Variants in LRRC4C observed in about 807,000 individuals in gnomAD.
LRRC4C encodes leucine rich repeat containing 4C.
Under a neutral mutation model 33.6 loss-of-function variants are expected in LRRC4C, and 5 were observed. That is an observed-to-expected ratio of 0.15 (90% CI 0.08 to 0.31). LRRC4C has a LOEUF of 0.31. Among genes scored for constraint, LRRC4C ranks in the 10% least tolerant of loss-of-function variants. The pLI, the probability that LRRC4C is intolerant of heterozygous loss-of-function variation, is 1.00. For missense variants in LRRC4C, 560 were observed against 796.7 expected, an observed-to-expected ratio of 0.70 and a Z score of 3.58; for synonymous variants, 329 against 302.0, an observed-to-expected ratio of 1.09 and a Z score of -0.93.
rs112033631 is a variant in LRRC4C at position 40,696,806 on chromosome 11, T to A, written c.-406-48528A>T. ...TATATATATATACTCATTCACCATT[T>A]TAAATTAGTGCCTTTGCAACAAGCA... On this transcript the variant is annotated intron_variant, in intron 2 of 6. Transcript: ENST00000528697. Among the ~76,000 whole-genome samples, 1,045 of 142,598 alleles carry A rather than the reference T, an allele frequency of 7.3e-3. 17 individuals are homozygous for A. The highest frequency in any genetic ancestry group is 0.027 in the African/African-American group (1,017 of 38,140). 93.5% of individuals were successfully genotyped at this position (142,598 alleles called of 152,430 possible). A position where few individuals can be genotyped will look rare whatever the true frequency, so the allele number is the denominator to read the frequency against.
At chr11:40,122,128 C>A (rs1262897770) in intron 6 of LRRC4C, among the ~76,000 whole-genome samples, 1 of 152,170 alleles carries the variant, frequency 6.6e-6, no homozygotes, top group Non-Finnish European at 1.5e-5. Flanking sequence ...TTTACTGACT[C>A]TTTTGACTCA....
At chr11:40,163,458 G>T (rs568071804) in intron 5 of LRRC4C, among the ~76,000 whole-genome samples, 1 of 152,254 alleles carries the variant, frequency 6.6e-6, no homozygotes, top group Non-Finnish European at 1.5e-5. Context: ...GAAGACATTT[G>T]CTGGCAAGGT....
intron 1 of LRRC4C, among the ~76,000 whole-genome samples, chr11:41,251,597 A>C (rs922678325): frequency 6.6e-6 from 1 of 152,206 alleles, no homozygotes; most frequent in African/African-American, 2.4e-5. Context: ...CCAAATGTGC[A>C]TGATCACATT....
At chr11:41,414,198 AGTGT>A (rs1954594295) in intron 1 of LRRC4C, among the ~76,000 whole-genome samples, 1 of 152,140 alleles carries the variant, frequency 6.6e-6, no homozygotes, top group Non-Finnish European at 1.5e-5. Context: ...GCTCTTGATA[AGTGT>A]GTTACTTCCT....
chr11:40,836,231 G>T (rs1238157214), intron 2 of LRRC4C, among the ~76,000 whole-genome samples: 1 of 152,114 alleles, frequency 6.6e-6, no homozygotes, highest in African/African-American at 2.4e-5. Flanking sequence ...ACAGGAAGGT[G>T]TAAGAACCTA....
At chr11:40,626,661 T>C (rs1456559818) in intron 3 of LRRC4C, among the ~76,000 whole-genome samples, 4 of 152,204 alleles carry the variant, frequency 2.6e-5, no homozygotes, top group African/African-American at 4.8e-5. Context: ...GTCCTAAAAC[T>C]TTGTTCAGCT....
At chr11:40,723,754 A>G (rs1359477335) in intron 2 of LRRC4C, among the ~76,000 whole-genome samples, 2 of 152,188 alleles carry the variant, frequency 1.3e-5, no homozygotes, top group Admixed American at 1.3e-4. Flanking sequence ...AAAACCTCAC[A>G]TATCAATATT....
chr11:41,454,075 C>T (rs1415736535), intron 1 of LRRC4C, among the ~76,000 whole-genome samples: 1 of 152,034 alleles, frequency 6.6e-6, no homozygotes, highest in Non-Finnish European at 1.5e-5. Context: ...AAAGAACCCA[C>T]AACCTGAAGG....
Position 40,677,989 on chromosome 11 carries a change from G to C in LRRC4C, c.-406-29711C>G, listed in dbSNP as rs182310524. The stretch of plus-strand genomic sequence containing the variant: ...AGAAGCCTGTGACTTGGATGGCTCC[G>C]TGGAGCTGCCATAGTAACCTTAAGA... On this transcript the variant is annotated intron_variant, in intron 2 of 6. Coordinates refer to ENST00000528697, the MANE Select transcript of LRRC4C (RefSeq NM_001258419.2). Among the ~76,000 whole-genome samples, 488 of 152,168 alleles carry C rather than the reference G, an allele frequency of 3.2e-3. 3 individuals are homozygous for C. Among genetic ancestry groups the C allele is most frequent in the African/African-American group, 0.011 (467 of 41,516 alleles).
Position 40,860,506 on chromosome 11 carries a change from C to A in LRRC4C, c.-407+73129G>T, listed in dbSNP as rs533878213. 1.3e-5 allele frequency among the ~76,000 whole-genome samples: 2 copies of A among 152,150 alleles called. 1 individual carries two copies. The highest frequency in any genetic ancestry group is 3.9e-4 in the East Asian group (2 of 5,154). Reference sequence around the variant, plus strand: ...AATCTGTAGCAGAATCCTTCCTTGCCTTCTAGTCTCTGCTGATGTGCCAAG... The same window carrying A: ...AATCTGTAGCAGAATCCTTCCTTGCATTCTAGTCTCTGCTGATGTGCCAAG... On this transcript the variant is annotated intron_variant, in intron 2 of 6. Transcript: ENST00000528697.
At chr11:41,245,858 G>A (rs1179801857) in intron 1 of LRRC4C, among the ~76,000 whole-genome samples, 1 of 152,212 alleles carries the variant, frequency 6.6e-6, no homozygotes, top group Non-Finnish European at 1.5e-5. Flanking sequence ...CCCATAGTGG[G>A]CAGCTCCTCT....
chr11:41,307,470 C>A (rs1440356235), intron 1 of LRRC4C, among the ~76,000 whole-genome samples: 3 of 152,196 alleles, frequency 2.0e-5, no homozygotes, highest in African/African-American at 7.2e-5. Flanking sequence ...AGAAGCTTTT[C>A]ATGAGATTTT....
chr11:40,428,558 T>C (rs528091505), intron 3 of LRRC4C, among the ~76,000 whole-genome samples: 1 of 152,344 alleles, frequency 6.6e-6, no homozygotes, highest in South Asian at 2.1e-4. Flanking sequence ...CTGGCATTTA[T>C]AAAATGCATT....
At chr11:40,773,261 T>TA (rs1247668832) in intron 2 of LRRC4C, among the ~76,000 whole-genome samples, 6 of 151,994 alleles carry the variant, frequency 3.9e-5, no homozygotes, top group Admixed American at 3.3e-4. Flanking sequence ...AAAGTATAGT[T>TA]AGAGAAAATT....
intron 3 of LRRC4C, among the ~76,000 whole-genome samples, chr11:40,383,804 C>A (rs1489680232): frequency 6.6e-6 from 1 of 151,790 alleles, no homozygotes; most frequent in Non-Finnish European, 1.5e-5. Context: ...CCTACCTCAG[C>A]CTCTCTAGTA....
At chr11:40,388,519 A>G (rs1386309139) in intron 3 of LRRC4C, among the ~76,000 whole-genome samples, 2 of 152,142 alleles carry the variant, frequency 1.3e-5, no homozygotes, top group African/African-American at 4.8e-5. Context: ...ATTACAGGGG[A>G]TGCTAAACAT....
chr11:41,327,747 A>G (rs745597593), intron 1 of LRRC4C, among the ~76,000 whole-genome samples: 8 of 152,128 alleles, frequency 5.3e-5, no homozygotes, highest in Non-Finnish European at 1.0e-4. Context: ...TGCTGTTCTC[A>G]TGAAAGTGAA....
intron 5 of LRRC4C, among the ~76,000 whole-genome samples, chr11:40,190,439 G>A (rs977918858): frequency 6.6e-5 from 10 of 152,176 alleles, no homozygotes; most frequent in African/African-American, 2.4e-4. Flanking sequence ...ACCACTGGCC[G>A]AAGGACAAAT....
intron 2 of LRRC4C, among the ~76,000 whole-genome samples, chr11:40,751,695 C>T (rs1348867207): frequency 6.6e-6 from 1 of 152,058 alleles, no homozygotes; most frequent in African/African-American, 2.4e-5. Context: ...TATACAAATT[C>T]ACTCCAATCC....
Sources: allele counts gnomAD v4.1 joint callset (sites outside exome capture counted in the v4.1 genomes callset), GRCh38; gene constraint gnomAD v4.1.1; transcripts MANE v1.5; gene names NCBI Gene and HGNC (gene_info 2026-07-23, HGNC 2026-07-21).